RORA: variants seen among roughly 807,000 people sequenced by gnomAD.
RORA encodes the protein nuclear receptor ROR-alpha.
RORA carries 7 observed loss-of-function variants against 69.5 expected under a neutral mutation model. The ratio of observed to expected loss-of-function variants is 0.10; its 90% CI spans 0.06 to 0.19. The LOEUF (loss-of-function observed/expected upper bound fraction) is 0.19, where lower values mean the gene tolerates loss of function less well. Among genes scored for constraint, RORA ranks in the 10% least tolerant of loss-of-function variants. RORA has a pLI of 1.00. For missense variants in RORA, 457 were observed against 663.0 expected (o/e 0.69, Z 3.41); for synonymous variants, 261 against 240.8 (o/e 1.08, Z -0.78).
chr15:60,842,617 T>C (rs2073213910), intron 1 of RORA, among the ~76,000 whole-genome samples: 1 of 152,164 alleles, frequency 6.6e-6, no homozygotes, highest in Non-Finnish European at 1.5e-5. Context: ...GCAGATCTTA[T>C]GATGTCAAAA....
intron 1 of RORA, among the ~76,000 whole-genome samples, chr15:61,019,704 T>C (rs1223906398): frequency 6.6e-6 from 1 of 152,156 alleles, no homozygotes. Flanking sequence ...CATCTGTACT[T>C]ATCCATGGGT....
intron 1 of RORA, among the ~76,000 whole-genome samples, chr15:60,805,591 T>C (rs532070391): frequency 6.6e-6 from 1 of 152,302 alleles, no homozygotes; most frequent in South Asian, 2.1e-4. Context: ...TTCTGAGTAT[T>C]TATGTAAAAC....
At chr15:60,775,982 C>T (rs576547034) in intron 1 of RORA, among the ~76,000 whole-genome samples, 1 of 152,304 alleles carries the variant, frequency 6.6e-6, no homozygotes, top group African/African-American at 2.4e-5. Context: ...GAGGAGGCGT[C>T]AGATGTGCAG....
At chr15:60,909,222 G>A (rs897719032) in intron 1 of RORA, among the ~76,000 whole-genome samples, 9 of 152,140 alleles carry the variant, frequency 5.9e-5, no homozygotes, top group Admixed American at 1.3e-4. Context: ...CCCAAGCTTC[G>A]ACCTGCTTGG....
chr15:60,770,313 C>T (rs948281606), intron 1 of RORA, among the ~76,000 whole-genome samples: 2 of 151,970 alleles, frequency 1.3e-5, no homozygotes, highest in African/African-American at 4.8e-5. Context: ...TATGTCTGAT[C>T]TCCTTTTGTG....
At chr15:60,644,060 G>A (rs577943779) in intron 2 of RORA, among the ~76,000 whole-genome samples, 21 of 152,198 alleles carry the variant, frequency 1.4e-4, no homozygotes, top group Non-Finnish European at 2.9e-4. Context: ...AAAAAAGATT[G>A]ATTTTGCAAT....
At chr15:60,720,708 A>G (rs2071283075) in intron 1 of RORA, among the ~76,000 whole-genome samples, 2 of 152,200 alleles carry the variant, frequency 1.3e-5, no homozygotes, top group African/African-American at 4.8e-5. Flanking sequence ...GGCAGTGATT[A>G]TCTGGTCCAG....
intron 1 of RORA, among the ~76,000 whole-genome samples, chr15:61,223,777 T>C (rs1567044293): frequency 6.6e-6 from 1 of 152,164 alleles, no homozygotes. Context: ...ATACTTTGGG[T>C]TAATCTACTG....
At chr15:61,104,993 G>GCC (rs751911711) in intron 1 of RORA, among the ~76,000 whole-genome samples, 2,070 of 140,738 alleles carry the variant, frequency 0.015, 51 homozygotes, top group African/African-American at 0.043. Context: ...TGATCATGAG[G>GCC]CGCCCCCCCC....
Position 60,851,634 on chromosome 15 carries a change from A to G in RORA, c.167-172948T>C, listed in dbSNP as rs575265240. On this transcript the variant is annotated intron_variant, in intron 1 of 10. Transcript: ENST00000335670. Reference sequence around the variant, plus strand: ...TGGCACTTGCTTCCTTTTGCCATGTAAATCTTGGCATTTACCATAAACTGT... The same window carrying G: ...TGGCACTTGCTTCCTTTTGCCATGTGAATCTTGGCATTTACCATAAACTGT... Among the ~76,000 whole-genome samples the G allele has an allele frequency of 4.1e-4, 63 of 152,258 alleles. 4 individuals are homozygous for G. The South Asian group carries it at 0.013, about 31-fold the overall frequency.
chr15:61,028,341 C>G (rs1895940649), intron 1 of RORA, among the ~76,000 whole-genome samples: 1 of 152,132 alleles, frequency 6.6e-6, no homozygotes, highest in African/African-American at 2.4e-5. Flanking sequence ...ACAATAGAGA[C>G]TATGCCAAGG....
intron 2 of RORA, among the ~76,000 whole-genome samples, chr15:60,561,359 G>A (rs924362455): frequency 7.2e-5 from 11 of 152,044 alleles, no homozygotes; most frequent in Non-Finnish European, 1.5e-4. Flanking sequence ...GGGATTACAG[G>A]CGTGAGCCAC....
chr15:60,912,341 G>A (rs1408039758), intron 1 of RORA, among the ~76,000 whole-genome samples: 1 of 152,110 alleles, frequency 6.6e-6, no homozygotes, highest in Non-Finnish European at 1.5e-5. Flanking sequence ...AGGATCGCTT[G>A]AGCCCACGAG....
chr15:61,165,043 G>C (rs956472218), intron 1 of RORA, among the ~76,000 whole-genome samples: 10 of 152,184 alleles, frequency 6.6e-5, no homozygotes, highest in Non-Finnish European at 5.9e-5. Flanking sequence ...CTCCTACTGA[G>C]AAGAAGGCAT....
At chr15:61,108,339 T>C (rs985222349) in intron 1 of RORA, among the ~76,000 whole-genome samples, 2 of 152,206 alleles carry the variant, frequency 1.3e-5, no homozygotes, top group East Asian at 3.8e-4. Flanking sequence ...TTAGTTCATG[T>C]TTTCTTTTAA....
In RORA at chr15:60,505,558, T is replaced by C. The variant is rs2065472346; in HGVS notation, c.892A>G (p.Ile298Val). 6.2e-7 allele frequency: 1 copy of C among 1,613,998 alleles called. No homozygotes were observed. The highest frequency in any genetic ancestry group is 1.3e-5 in the African/African-American group (1 of 75,060). Residue 298 changes from isoleucine (I) to valine (V), a missense_variant, in exon 6 of 11, where the codon ATA (isoleucine) becomes GTA (valine). Around this residue, in one of 3 missense-constraint regions of RORA, gnomAD observed 304 missense variants for 447.4 expected, o/e 0.68. Transcript: ENST00000335670. ...TCCTGTAAAAAGGTCTGCCACGTTA[T>C]CTGCTGGAGCTCTTCTCTCAAGTAT... is the stretch of plus-strand genomic sequence containing the variant. ...CQYLREELQQ[I>V]TWQTFLQEEI...
chr15:60,647,381 G>A lies in RORA; in HGVS notation c.196+31276C>T, dbSNP rs1338105624. 3.3e-5 allele frequency among the ~76,000 whole-genome samples: 5 copies of A among 152,172 alleles called. No individual in the cohort carries two copies. The South Asian group carries it at 6.2e-4, about 19-fold the overall frequency. ...ATGAAGCCCTGCATAGGTGACACCCGAAATCTGCCTGGCTTTGCGGATCCT... is the reference window on the plus strand; with the variant it reads ...ATGAAGCCCTGCATAGGTGACACCCAAAATCTGCCTGGCTTTGCGGATCCT... On this transcript the variant is annotated intron_variant, in intron 2 of 10. Transcript: ENST00000335670.
intron 1 of RORA, among the ~76,000 whole-genome samples, chr15:60,745,377 T>C (rs1237220972): frequency 6.6e-6 from 1 of 152,214 alleles, no homozygotes; most frequent in Non-Finnish European, 1.5e-5. Context: ...ATCAGACACA[T>C]GTCCGGGTAG....
At chr15:61,208,523 C>T (rs568873402) in intron 1 of RORA, among the ~76,000 whole-genome samples, 2 of 152,228 alleles carry the variant, frequency 1.3e-5, no homozygotes, top group East Asian at 1.9e-4. Flanking sequence ...GAATTGTATA[C>T]TTAAGATGGG....
Sources: allele counts gnomAD v4.1 joint callset (sites outside exome capture counted in the v4.1 genomes callset), GRCh38; gene constraint gnomAD v4.1.1; regional missense constraint gnomAD v4.1.1; transcripts MANE v1.5; gene names NCBI Gene and HGNC (gene_info 2026-07-23, HGNC 2026-07-21).